Variants in PLCB1 observed in about 807,000 individuals in gnomAD.
PLCB1 encodes the protein 1-phosphatidylinositol 4,5-bisphosphate phosphodiesterase beta-1.
PLCB1 carries 46 observed loss-of-function variants against 161.8 expected under a neutral mutation model. The ratio of observed to expected loss-of-function variants is 0.28; its 90% CI spans 0.22 to 0.36. The LOEUF (loss-of-function observed/expected upper bound fraction) is 0.36. PLCB1 is among the 10% of genes least tolerant of loss of function. The pLI, the probability that PLCB1 is intolerant of heterozygous loss-of-function variation, is 1.00. For missense variants in PLCB1, 1,016 were observed against 1,472.5 expected, an observed-to-expected ratio of 0.69 and a Z score of 5.07; for synonymous variants, 517 against 503.7, an observed-to-expected ratio of 1.03 and a Z score of -0.35.
chr20:8,802,216 G>A, intron 31 of PLCB1: 3 of 1,004,832 alleles, frequency 3.0e-6, no homozygotes, highest in Non-Finnish European at 4.7e-6. Context: ...GAAGGGTGGT[G>A]TGTAGCCATC....
intron 3 of PLCB1, among the ~76,000 whole-genome samples, chr20:8,484,505 C>T (rs998437203): frequency 2.6e-5 from 4 of 151,550 alleles, no homozygotes; most frequent in Non-Finnish European, 5.9e-5. Context: ...GGACTACAGG[C>T]GCCCCCTCAC....
rs114897569 is a variant in PLCB1, at chr20:8,479,306, G to A, written c.246+107856G>A. Among the ~76,000 whole-genome samples the A allele has an allele frequency of 7.7e-3, 1,177 of 152,206 alleles. 20 individuals carry two copies. Among genetic ancestry groups the A allele is most frequent in the African/African-American group, 0.027 (1,101 of 41,516 alleles). ...TAGAATGAGTAACCTAAAGATAAAT[G>A]CAGTGCATTCTCAGCAATAAGATAA... On this transcript the variant is annotated intron_variant, in intron 3 of 31. Transcript: ENST00000338037.
At chr20:8,829,028 A>G (rs1243627190) in intron 31 of PLCB1, among the ~76,000 whole-genome samples, 1 of 152,198 alleles carries the variant, frequency 6.6e-6, no homozygotes, top group East Asian at 1.9e-4. Context: ...GATAAATGAT[A>G]TAGACATATG....
In PLCB1 at chr20:8,774,663, C is replaced by A. The variant is rs929861534; in HGVS notation, c.3055C>A (p.Leu1019Ile). 7 of 1,613,970 alleles carry A rather than the reference C, an allele frequency of 4.3e-6. No individual in the cohort carries two copies. Among genetic ancestry groups the A allele is most frequent in the Non-Finnish European group, 5.9e-6 (7 of 1,179,864 alleles). The change falls in exon 27 of 32, where the codon CTT (leucine) becomes ATT (isoleucine). Residue 1019 changes from leucine (L) to isoleucine (I), a missense_variant. Leu to Ile is a conservative substitution (Grantham distance 5, BLOSUM62 2). Around this residue, in one of 10 missense-constraint regions of PLCB1, gnomAD observed 398 missense variants for 445.4 expected, o/e 0.89. Transcript: ENST00000338037. ...KDKQQQQLLN[L>I]RQEQYYSEKY... ...CAAACAACAGCAGCAGCTGCTTAATCTTCGGCAAGAACAGTATTATAGTGA... is the reference window on the plus strand; with the variant it reads ...CAAACAACAGCAGCAGCTGCTTAATATTCGGCAAGAACAGTATTATAGTGA...
chr20:8,647,873 A>G, intron 5 of PLCB1, 27 bp from the exon 6 acceptor site: 2 of 1,596,132 alleles, frequency 1.3e-6, no homozygotes, highest in Non-Finnish European at 1.7e-6. Context: ...AAAAAATCAA[A>G]CCCTTGTTTT....
At chr20:8,661,375 G>A (rs1198086433) in intron 9 of PLCB1, among the ~76,000 whole-genome samples, 1 of 152,036 alleles carries the variant, frequency 6.6e-6, no homozygotes, top group Non-Finnish European at 1.5e-5. Flanking sequence ...TCTAGCACGT[G>A]GGAAGGACAG....
chr20:8,140,019 G>A (rs2123010967), intron 1 of PLCB1, among the ~76,000 whole-genome samples: 1 of 152,296 alleles, frequency 6.6e-6, no homozygotes, highest in East Asian at 1.9e-4. Context: ...TAAAAGAGGT[G>A]GGACTTTCTG....
chr20:8,688,730 C>T (rs991273472), intron 10 of PLCB1, among the ~76,000 whole-genome samples: 4 of 152,144 alleles, frequency 2.6e-5, no homozygotes, highest in African/African-American at 9.7e-5. Context: ...CAGTACCACA[C>T]TGTTTTGGTG....
chr20:8,717,922 G>A lies in PLCB1; in HGVS notation c.1513+74G>A, dbSNP rs1979417200. ...ATTGCTGCTCTGGGCTGTGCGTGGTGGCTCATGCCTGTAATACTACTACTT... is the reference window on the plus strand; with the variant it reads ...ATTGCTGCTCTGGGCTGTGCGTGGTAGCTCATGCCTGTAATACTACTACTT... On this transcript the variant is annotated intron_variant, in intron 14 of 31. Transcript: ENST00000338037. 11 of 1,323,838 alleles carry A rather than the reference G, an allele frequency of 8.3e-6. No individual in the cohort carries two copies. In the South Asian group the frequency reaches 1.6e-4, roughly 19 times the overall value. 82.0% of individuals were successfully genotyped at this position (1,323,838 alleles called of 1,614,324 possible).
At chr20:8,589,020 A>G (rs1410061375) in intron 3 of PLCB1, among the ~76,000 whole-genome samples, 1 of 152,196 alleles carries the variant, frequency 6.6e-6, no homozygotes, top group Non-Finnish European at 1.5e-5. Context: ...GGTGTCCGAC[A>G]TCATGGTAAG....
intron 3 of PLCB1, among the ~76,000 whole-genome samples, chr20:8,603,705 C>G (rs1987668614): frequency 6.6e-6 from 1 of 152,210 alleles, no homozygotes; most frequent in Admixed American, 6.5e-5. Flanking sequence ...AATTCTGATG[C>G]ACACCTAAGT....
intron 31 of PLCB1, among the ~76,000 whole-genome samples, chr20:8,877,308 G>A (rs1048083427): frequency 2.6e-5 from 4 of 152,144 alleles, no homozygotes; most frequent in Non-Finnish European, 5.9e-5. Flanking sequence ...ACCTAACTTC[G>A]GGAGTCCCCT....
intron 10 of PLCB1, among the ~76,000 whole-genome samples, chr20:8,689,280 C>A (rs1046465477): frequency 2.6e-5 from 4 of 152,112 alleles, no homozygotes; most frequent in Non-Finnish European, 5.9e-5. Context: ...ACAATCATAT[C>A]GTCAGCAGTC....
intron 3 of PLCB1, among the ~76,000 whole-genome samples, chr20:8,537,759 G>A (rs1226032456): frequency 3.9e-5 from 6 of 152,032 alleles, no homozygotes; most frequent in Admixed American, 2.0e-4. Context: ...AATTTTCTAC[G>A]GAAATCTATC....
At position 8,577,691 on chromosome 20, in the gene PLCB1, G is replaced by A. The variant is rs377101383; in HGVS notation, c.247-50603G>A. On this transcript the variant is annotated intron_variant, in intron 3 of 31. Coordinates refer to ENST00000338037, the MANE Select transcript of PLCB1 (RefSeq NM_015192.4). ...AAAGCTAGAGATAAATCCATGGACA[G>A]TAAACCATGCTAGAGGTAAATCCAT... is the stretch of plus-strand genomic sequence containing the variant. Among the ~76,000 whole-genome samples, 249 of 152,272 alleles carry A rather than the reference G, an allele frequency of 1.6e-3. 3 individuals are homozygous for A. Among genetic ancestry groups the A allele is most frequent in the South Asian group, 7.2e-3 (35 of 4,828 alleles).
chr20:8,583,066 A>T (rs1986885405), intron 3 of PLCB1, among the ~76,000 whole-genome samples: 1 of 151,554 alleles, frequency 6.6e-6, no homozygotes, highest in Non-Finnish European at 1.5e-5. Flanking sequence ...ATGAACCTTG[A>T]AGATATTATG....
At chr20:8,754,875 T>G (rs1981662380) in intron 23 of PLCB1, among the ~76,000 whole-genome samples, 1 of 152,226 alleles carries the variant, frequency 6.6e-6, no homozygotes, top group Non-Finnish European at 1.5e-5. Flanking sequence ...GGACCATGAC[T>G]TTCCAGTTTG....
chr20:8,814,329 T>G (rs1984977127), intron 31 of PLCB1, among the ~76,000 whole-genome samples: 2 of 152,236 alleles, frequency 1.3e-5, no homozygotes, highest in African/African-American at 4.8e-5. Flanking sequence ...TGAAGCTAAT[T>G]TAGTTGAGAA....
intron 3 of PLCB1, among the ~76,000 whole-genome samples, chr20:8,541,712 G>A (rs368980048): frequency 1.4e-4 from 21 of 152,102 alleles, no homozygotes; most frequent in East Asian, 7.7e-4. Context: ...TATTTATTGA[G>A]CATTACCTGG....
Sources: allele counts gnomAD v4.1 joint callset (sites outside exome capture counted in the v4.1 genomes callset), GRCh38; gene constraint gnomAD v4.1.1; regional missense constraint gnomAD v4.1.1; transcripts MANE v1.5; gene names NCBI Gene and HGNC (gene_info 2026-07-23, HGNC 2026-07-21).